Variants in ERAP1 observed in about 807,000 individuals in gnomAD.
The protein encoded by ERAP1 is endoplasmic reticulum aminopeptidase 1.
ERAP1 carries 86 observed loss-of-function variants against 103.7 expected under a neutral mutation model. That is an observed-to-expected ratio of 0.83 (90% CI 0.70 to 0.99). The LOEUF (loss-of-function observed/expected upper bound fraction) is 0.99, where lower values mean the gene tolerates loss of function less well. Among genes scored for constraint, ERAP1 ranks in the 50% least tolerant of loss-of-function variants. The pLI is 0.00. For synonymous variants in ERAP1, 398 were observed against 402.4 expected (o/e 0.99, Z 0.13); for missense variants, 1,009 against 1,128.4 (o/e 0.89, Z 1.52).
downstream of ERAP1, chr5:96,770,629 A>G (rs375008323): frequency 1.6e-5 from 23 of 1,470,642 alleles, no homozygotes; most frequent in East Asian, 5.0e-4. Context: ...ATATACTACA[A>G]ATTAGTTTAG....
chr5:96,876,339 A>T, the ERAP1 span: 1 of 152,346 alleles, frequency 6.6e-6, no homozygotes. Flanking sequence ...TTATTTGTGC[A>T]TTCTACAAAA....
At chr5:96,809,630 C>T (rs148626710), upstream of ERAP1, among the ~76,000 whole-genome samples, 582 of 152,126 alleles carry the variant, frequency 3.8e-3, 1 homozygote, top group Non-Finnish European at 6.2e-3. Flanking sequence ...ACGGTGGGAT[C>T]CAGGGAAGTT....
the ERAP1 span, among the ~76,000 whole-genome samples, chr5:96,926,974 G>A: frequency 1.3e-5 from 2 of 152,096 alleles, no homozygotes; most frequent in Non-Finnish European, 2.9e-5. Context: ...GCATCACCAT[G>A]CCTGGCTAAT....
exon 20 of ERAP1, chr5:96,762,341 C>T (rs1351251754): frequency 6.2e-7 from 1 of 1,605,372 alleles, no homozygotes; most frequent in Non-Finnish European, 8.5e-7. Context: ...GCTTCAACGA[C>T]CCAAGCTGGA....
chr5:96,832,672 C>A, the ERAP1 span, among the ~76,000 whole-genome samples: 1 of 152,148 alleles, frequency 6.6e-6, no homozygotes, highest in African/African-American at 2.4e-5. Flanking sequence ...TAAACATGAA[C>A]AGGATTTGTA....
At chr5:96,838,892 A>G in the ERAP1 span, among the ~76,000 whole-genome samples, 1 of 152,200 alleles carries the variant, frequency 6.6e-6, no homozygotes, top group Non-Finnish European at 1.5e-5. Context: ...TCACAAGTTA[A>G]GGGCACAATC....
At chr5:96,817,859 G>A in the ERAP1 span, among the ~76,000 whole-genome samples, 1 of 152,220 alleles carries the variant, frequency 6.6e-6, no homozygotes. Flanking sequence ...CTGTTTGGCA[G>A]AGCCTAAAGC....
chr5:96,926,423 C>T, the ERAP1 span, among the ~76,000 whole-genome samples: 1 of 152,150 alleles, frequency 6.6e-6, no homozygotes, highest in African/African-American at 2.4e-5. Context: ...GTTTTCATCA[C>T]CCTAACAAAA....
At chr5:96,915,124 C>T in the ERAP1 span, among the ~76,000 whole-genome samples, 2 of 152,096 alleles carry the variant, frequency 1.3e-5, no homozygotes, top group African/African-American at 4.8e-5. Context: ...TCTCCTGCCT[C>T]AGCCTCCTGA....
chr5:96,800,994 T>C lies in ERAP1; in HGVS notation c.531A>G (p.Leu177=), dbSNP rs770020601. 9 of 1,614,080 alleles carry C rather than the reference T, an allele frequency of 5.6e-6. No homozygotes were observed. Among genetic ancestry groups the C allele is most frequent in the Non-Finnish European group, 7.6e-6 (9 of 1,180,024 alleles). Reference sequence around the variant, plus strand: ...CAGTGGGTTCAAATTGTGTTGATGCTAGTATCCTAAAATTAAGGCAAGTGA... The same window carrying C: ...CAGTGGGTTCAAATTGTGTTGATGCCAGTATCCTAAAATTAAGGCAAGTGA... ...YRTKEGELRI[L]ASTQFEPTAA... Residue 177 remains leucine, a synonymous_variant, in exon 3 of 19, where the codon CTA becomes CTG. Coordinates refer to ENST00000443439, the MANE Select transcript of ERAP1 (RefSeq NM_001040458.3).
intron 11 of ERAP1, among the ~76,000 whole-genome samples, chr5:96,788,221 A>C (rs1776315689): frequency 6.6e-6 from 1 of 152,192 alleles, no homozygotes; most frequent in African/African-American, 2.4e-5. Context: ...ATTGTAATCT[A>C]GTAGCAGTTG....
the ERAP1 span, chr5:96,873,436 C>T: frequency 2.2e-6 from 1 of 454,140 alleles, no homozygotes; most frequent in Admixed American, 2.4e-5. Flanking sequence ...AGTAGACCTA[C>T]TAAACAAATG....
chr5:96,780,373 C>G, intron 18 of ERAP1, 50 bp downstream of exon 18: 3 of 1,337,116 alleles, frequency 2.2e-6, no homozygotes, highest in Non-Finnish European at 3.1e-6. Context: ...TATTAATTAG[C>G]TAATTTTCAT....
At chr5:96,788,762 TCAAA>T in intron 10 of ERAP1, 77 bp from the exon 11 acceptor site, 1 of 1,555,058 alleles carries the variant, frequency 6.4e-7, no homozygotes, top group Non-Finnish European at 8.7e-7. Flanking sequence ...CAGCTTATGC[TCAAA>T]CAGCCGCTAC....
At chr5:96,917,239 TG>T in the ERAP1 span, among the ~76,000 whole-genome samples, 57,076 of 151,982 alleles carry the variant, frequency 0.38, 10,879 homozygotes, top group Non-Finnish European at 0.42. Context: ...TCCAAGTAGC[TG>T]GGACTACAGG....
chr5:96,909,675 G>T, the ERAP1 span: 1 of 1,614,230 alleles, frequency 6.2e-7, no homozygotes, highest in Non-Finnish European at 8.5e-7. Context: ...CGGCTCTCTT[G>T]AAGCTGGCCT....
At chr5:96,913,880 T>A in the ERAP1 span, among the ~76,000 whole-genome samples, 3 of 152,192 alleles carry the variant, frequency 2.0e-5, no homozygotes, top group African/African-American at 7.2e-5. Flanking sequence ...TAAGAGCTAC[T>A]CCTCACCCCT....
At chr5:96,825,619 G>T in the ERAP1 span, among the ~76,000 whole-genome samples, 3 of 152,148 alleles carry the variant, frequency 2.0e-5, no homozygotes, top group African/African-American at 7.2e-5. Flanking sequence ...ACAAGCACAG[G>T]CAGGGAAAAA....
the ERAP1 span, among the ~76,000 whole-genome samples, chr5:96,898,715 G>A: frequency 6.6e-6 from 1 of 152,242 alleles, no homozygotes; most frequent in East Asian, 1.9e-4. Context: ...CTCCAGCCTG[G>A]TGACAGAGTG....
Sources: allele counts gnomAD v4.1 joint callset (sites outside exome capture counted in the v4.1 genomes callset), GRCh38; gene constraint gnomAD v4.1.1; transcripts MANE v1.5; gene names NCBI Gene and HGNC (gene_info 2026-07-23, HGNC 2026-07-21).